ZNF385B: variants seen among roughly 807,000 people sequenced by gnomAD.
ZNF385B encodes zinc finger protein 385B, also known as zinc finger protein 533.
A neutral mutation model predicts 39.2 loss-of-function variants in ZNF385B; 23 were observed. That is an observed-to-expected ratio of 0.59 (90% CI 0.42 to 0.83). The LOEUF is 0.83. Among genes scored for constraint, ZNF385B ranks in the 40% least tolerant of loss-of-function variants. The pLI is 0.00. For missense variants in ZNF385B, 552 were observed against 598.9 expected (o/e 0.92, Z 0.82); for synonymous variants, 205 against 222.6 (o/e 0.92, Z 0.70).
intron 3 of ZNF385B, among the ~76,000 whole-genome samples, chr2:179,736,910 G>A (rs572306183): frequency 6.6e-6 from 1 of 152,270 alleles, no homozygotes; most frequent in East Asian, 1.9e-4. Context: ...GCGGAACTTG[G>A]AGTGAGCAGA....
intron 3 of ZNF385B, among the ~76,000 whole-genome samples, chr2:179,586,398 G>T (rs567147711): frequency 6.3e-4 from 96 of 152,244 alleles, no homozygotes; most frequent in African/African-American, 2.2e-3. Flanking sequence ...CCAAAACATG[G>T]CATATCAGCA....
intron 6 of ZNF385B, among the ~76,000 whole-genome samples, chr2:179,451,042 T>C (rs1025362293): frequency 1.4e-5 from 2 of 138,526 alleles, no homozygotes; most frequent in Non-Finnish European, 3.0e-5. Context: ...TAGGTGGGAA[T>C]TGAACAATGA....
In ZNF385B at chr2:179,529,010, G is replaced by T. The variant is rs370380206; in HGVS notation, c.442-10372C>A. Among the ~76,000 whole-genome samples, 8 of 152,082 alleles carry T rather than the reference G, an allele frequency of 5.3e-5. No individual in the cohort carries two copies. The East Asian group carries it at 9.6e-4, about 18-fold the overall frequency. On this transcript the variant is annotated intron_variant, in intron 4 of 9. Coordinates refer to ENST00000410066, the MANE Select transcript of ZNF385B (RefSeq NM_152520.6). ...TCAGTTTATTTCTGAAATGGGTATG[G>T]GACTTAATTAAATGTTTACTTATAC...
At chr2:179,482,496 G>T (rs1242233701) in intron 6 of ZNF385B, among the ~76,000 whole-genome samples, 1 of 150,930 alleles carries the variant, frequency 6.6e-6, no homozygotes, top group Non-Finnish European at 1.5e-5. Context: ...CAATTTCATG[G>T]TATCCATGCT....
intron 1 of ZNF385B, among the ~76,000 whole-genome samples, chr2:179,837,086 GC>G (rs1708295068): frequency 1.3e-5 from 2 of 152,270 alleles, no homozygotes; most frequent in Non-Finnish European, 2.9e-5. Flanking sequence ...TAAAGGGTCA[GC>G]TGAGCATATA....
intron 6 of ZNF385B, among the ~76,000 whole-genome samples, chr2:179,458,974 C>T (rs1316896921): frequency 7.9e-5 from 12 of 152,182 alleles, no homozygotes; most frequent in African/African-American, 1.4e-4. Context: ...TTACAGGGAT[C>T]GGTCCCAACC....
At position 179,609,131 on chromosome 2, in the gene ZNF385B, C is replaced by T. The variant is rs529910352; in HGVS notation, c.299-64162G>A. On this transcript the variant is annotated intron_variant, in intron 3 of 9. Transcript: ENST00000410066. ...GATATTATTGTAAACTGTAATCATT[C>T]GGTTGTGCTATCAAATACTAGATTG... is the stretch of plus-strand genomic sequence containing the variant. 1.6e-4 allele frequency among the ~76,000 whole-genome samples: 25 copies of T among 151,944 alleles called. No homozygotes were observed. In the South Asian group the frequency reaches 2.9e-3, roughly 18 times the overall value.
At chr2:179,497,283 A>C (rs907241488) in intron 5 of ZNF385B, among the ~76,000 whole-genome samples, 3 of 152,208 alleles carry the variant, frequency 2.0e-5, no homozygotes, top group Non-Finnish European at 4.4e-5. Flanking sequence ...TGGTATGTAA[A>C]CTACTCTTAG....
intron 5 of ZNF385B, among the ~76,000 whole-genome samples, chr2:179,489,921 T>A (rs1275043641): frequency 6.6e-6 from 1 of 152,262 alleles, no homozygotes; most frequent in Non-Finnish European, 1.5e-5. Flanking sequence ...AGGTATAATG[T>A]CTTTGCTAAT....
intron 3 of ZNF385B, among the ~76,000 whole-genome samples, chr2:179,548,866 CT>C (rs2060396444): frequency 6.7e-6 from 1 of 149,320 alleles, no homozygotes; most frequent in South Asian, 2.1e-4. Flanking sequence ...GAGGTTTGGG[CT>C]AAACCAAATC....
chr2:179,769,369 G>C, intron 3 of ZNF385B, 134 bp downstream of exon 3: 2 of 1,354,276 alleles, frequency 1.5e-6, no homozygotes, highest in Non-Finnish European at 2.0e-6. Flanking sequence ...TATTTTACCT[G>C]TAGGAGAAAG....
intron 4 of ZNF385B, among the ~76,000 whole-genome samples, chr2:179,520,543 C>A (rs576252750): frequency 6.6e-6 from 1 of 152,224 alleles, no homozygotes; most frequent in East Asian, 1.9e-4. Flanking sequence ...ACTTAAATCC[C>A]ATCTATCTAT....
intron 3 of ZNF385B, among the ~76,000 whole-genome samples, chr2:179,740,628 C>A (rs1032526753): frequency 1.3e-5 from 2 of 152,088 alleles, no homozygotes; most frequent in African/African-American, 4.8e-5. Context: ...TTTGCGATAA[C>A]AAACACGTCA....
At chr2:179,493,612 C>CTGCGTATACATATATGTGT (rs1491354274) in intron 5 of ZNF385B, among the ~76,000 whole-genome samples, 1 of 113,370 alleles carries the variant, frequency 8.8e-6, no homozygotes, top group African/African-American at 3.1e-5. Flanking sequence ...CATATATGTA[C>CTGCGTATACATATATGTGT]GTACATATAT....
At chr2:179,812,320 A>G (rs1241681126) in intron 1 of ZNF385B, among the ~76,000 whole-genome samples, 1 of 152,192 alleles carries the variant, frequency 6.6e-6, no homozygotes, top group African/African-American at 2.4e-5. Context: ...TAATTCTTCT[A>G]CCAAAAACAC....
intron 5 of ZNF385B, among the ~76,000 whole-genome samples, chr2:179,497,212 C>T (rs1018807448): frequency 6.6e-6 from 1 of 152,070 alleles, no homozygotes; most frequent in African/African-American, 2.4e-5. Flanking sequence ...CGTGAAGGTA[C>T]AAAACTCACT....
rs549028504 is a variant in ZNF385B, at chr2:179,767,385, G to C, written c.298+2118C>G. On this transcript the variant is annotated intron_variant, in intron 3 of 9. Coordinates refer to ENST00000410066, the MANE Select transcript of ZNF385B (RefSeq NM_152520.6). ...TAGGCTGAAGAGCAGGCTGAGGCAG[G>C]GGGAGGGTAGAAGCTCATGTGCCCA... is the stretch of plus-strand genomic sequence containing the variant. Among the ~76,000 whole-genome samples the C allele has an allele frequency of 8.5e-5, 13 of 152,298 alleles. No homozygotes were observed. In the East Asian group the frequency reaches 2.5e-3, roughly 29 times the overall value.
At chr2:179,708,709 G>A (rs1053720886) in intron 3 of ZNF385B, among the ~76,000 whole-genome samples, 3 of 152,210 alleles carry the variant, frequency 2.0e-5, no homozygotes, top group Non-Finnish European at 4.4e-5. Context: ...GGGATTCAGG[G>A]AAATGTGAAA....
intron 3 of ZNF385B, among the ~76,000 whole-genome samples, chr2:179,696,583 C>A (rs1288517171): frequency 6.6e-6 from 1 of 151,970 alleles, no homozygotes; most frequent in Non-Finnish European, 1.5e-5. Flanking sequence ...GTGATACTCC[C>A]ATGCACAGTA....
Sources: allele counts gnomAD v4.1 joint callset (sites outside exome capture counted in the v4.1 genomes callset), GRCh38; gene constraint gnomAD v4.1.1; transcripts MANE v1.5; gene names NCBI Gene and HGNC (gene_info 2026-07-23, HGNC 2026-07-21).